Variants in SH3D21 observed in about 807,000 individuals in gnomAD.
The protein encoded by SH3D21 is SH3 domain-containing protein 21.
Under a neutral mutation model 82.1 loss-of-function variants are expected in SH3D21, and 83 were observed. The ratio of observed to expected loss-of-function variants is 1.01; its 90% CI spans 0.85 to 1.21. SH3D21 has a LOEUF of 1.21. Among genes scored for constraint, SH3D21 ranks in the 50% most tolerant of loss-of-function variants. The pLI is 0.00. For missense variants in SH3D21, 980 were observed against 962.1 expected (o/e 1.02, Z -0.25); for synonymous variants, 383 against 387.8 (o/e 0.99, Z 0.15).
downstream of SH3D21, among the ~76,000 whole-genome samples, chr1:36,326,450 C>G (rs558110166): frequency 6.6e-6 from 1 of 152,054 alleles, no homozygotes; most frequent in Non-Finnish European, 1.5e-5. Context: ...AGGCTGGTCT[C>G]GAACTTCTGA....
rs761237878 is a variant in SH3D21 at position 36,307,128 on chromosome 1, G to A, written c.227-39G>A. 98 of 1,549,982 alleles carry A rather than the reference G, an allele frequency of 6.3e-5. 2 individuals carry two copies. In the South Asian group the frequency reaches 1.1e-3, roughly 17 times the overall value. On this transcript the variant is annotated intron_variant, in intron 3 of 15. Coordinates refer to ENST00000453908, the MANE Select transcript of SH3D21 (RefSeq NM_001162530.2). This position sits in a 1 kb window ranked among gnomAD's most constrained non-coding sequence, Gnocchi z 5.4. ...GCTTCCCCCAGCTCCTCTGACTGGG[G>A]CGTCCGACTGGAGCTCAGCCGCGCT...
downstream of SH3D21, among the ~76,000 whole-genome samples, chr1:36,330,060 C>A (rs927738250): frequency 1.3e-5 from 2 of 152,058 alleles, no homozygotes; most frequent in African/African-American, 4.8e-5. Flanking sequence ...ACCTGCTAAC[C>A]AAAGCTGGCA....
chr1:36,309,527 C>A, intron 9 of SH3D21, 21 bp from the exon 10 acceptor site: 1 of 1,551,262 alleles, frequency 6.4e-7, no homozygotes, highest in Non-Finnish European at 8.7e-7. Flanking sequence ...GATGCTCAAC[C>A]TTTACTTCTT....
chr1:36,329,782 G>T (rs1255590669), downstream of SH3D21, among the ~76,000 whole-genome samples: 1 of 152,182 alleles, frequency 6.6e-6, no homozygotes, highest in Non-Finnish European at 1.5e-5. Flanking sequence ...GTGGTATTCT[G>T]AGCAGACACC....
At chr1:36,322,495 G>T (rs1442529910), downstream of SH3D21, 5 of 1,603,276 alleles carry the variant, frequency 3.1e-6, no homozygotes, top group East Asian at 1.1e-4. Context: ...TCTGCGGACA[G>T]CTCGGGGCCC....
chr1:36,315,145 G>A (rs984184701), intron 10 of SH3D21, among the ~76,000 whole-genome samples: 7 of 151,760 alleles, frequency 4.6e-5, no homozygotes, highest in East Asian at 2.0e-4. Flanking sequence ...GCGTGGTGGC[G>A]GGCACCTGTC....
downstream of SH3D21, chr1:36,322,883 C>G: frequency 6.5e-7 from 1 of 1,534,338 alleles, no homozygotes; most frequent in Non-Finnish European, 8.9e-7. Context: ...GGGAGCGGGG[C>G]GGAGGGGACG....
downstream of SH3D21, chr1:36,328,383 C>A: frequency 1.4e-5 from 5 of 347,308 alleles, no homozygotes; most frequent in South Asian, 1.1e-4. Context: ...AAGAGGGAGA[C>A]TCACCGGGGG....
chr1:36,309,776 A>T (rs1646201697), intron 10 of SH3D21, among the ~76,000 whole-genome samples, 186 bp downstream of exon 10: 1 of 152,108 alleles, frequency 6.6e-6, no homozygotes, highest in Non-Finnish European at 1.5e-5. Context: ...GTGTGTGTTA[A>T]TATGTCAGTG....
chr1:36,317,498 G>A (rs147968199), intron 10 of SH3D21, among the ~76,000 whole-genome samples: 7 of 152,336 alleles, frequency 4.6e-5, no homozygotes, highest in African/African-American at 1.7e-4. Context: ...TGATGCTGAT[G>A]TCACCTTAGT....
chr1:36,322,331 C>T (rs1186637119), downstream of SH3D21: 29 of 1,567,494 alleles, frequency 1.9e-5, no homozygotes, highest in Non-Finnish European at 2.4e-5. Context: ...TGCCCGTGGC[C>T]GTGGGGCTGG....
chr1:36,323,861 G>A (rs1305527751), downstream of SH3D21: 1 of 152,240 alleles, frequency 6.6e-6, no homozygotes, highest in African/African-American at 2.4e-5. Context: ...TGCGGGCCAA[G>A]GGCTAAACCT....
intron 11 of SH3D21, 31 bp downstream of exon 11, chr1:36,319,195 G>T (rs1228586293): frequency 1.3e-6 from 2 of 1,550,144 alleles, no homozygotes; most frequent in Admixed American, 3.9e-5. Flanking sequence ...GGGGGAAGGA[G>T]GAGGGTAGGA....
chr1:36,319,066 C>T lies in SH3D21; in HGVS notation c.770-5C>T. On this transcript the variant is annotated splice_polypyrimidine_tract_variant and splice_region_variant and intron_variant, in intron 10 of 15. Transcript: ENST00000453908. ...TGGATGAGTGCTCCACTCCTCTCTT[C>T]CCAGCTCCTATTAAGGAACCAAAAA... The T allele has an allele frequency of 6.6e-7, 1 of 1,524,954 alleles. No individual in the cohort carries two copies. Among genetic ancestry groups the T allele is most frequent in the Non-Finnish European group, 8.9e-7 (1 of 1,122,688 alleles). The allele number at this position is 1,524,954 out of a possible 1,614,324, so 94.5% of individuals were successfully genotyped here. A position where few individuals can be genotyped will look rare whatever the true frequency, so the allele number is the denominator to read the frequency against.
At chr1:36,310,781 T>G (rs1646223489) in intron 10 of SH3D21, among the ~76,000 whole-genome samples, 1 of 152,196 alleles carries the variant, frequency 6.6e-6, no homozygotes, top group Admixed American at 6.5e-5. Context: ...TTCCCCCAAG[T>G]TTTTAAGTTT....
chr1:36,321,309 C>G lies in SH3D21; in HGVS notation c.*182C>G. 7.0e-7 allele frequency: 1 copy of G among 1,435,926 alleles called. No homozygotes were observed. The highest frequency in any genetic ancestry group is 9.1e-7 in the Non-Finnish European group (1 of 1,100,450). The allele number at this position is 1,435,926 out of a possible 1,614,324, so 88.9% of individuals were successfully genotyped here. The stretch of plus-strand genomic sequence containing the variant: ...CCTCCGCATTCCTGACGGTCCCTCC[C>G]AGGCACATCTGGCCAACATGTGGCT... On this transcript the variant is annotated 3_prime_UTR_variant, in exon 16 of 16. Coordinates refer to ENST00000453908, the MANE Select transcript of SH3D21 (RefSeq NM_001162530.2). The surrounding 1 kb of genome is among the most constrained non-coding windows in gnomAD (Gnocchi z 6.1).
intron 10 of SH3D21, among the ~76,000 whole-genome samples, chr1:36,313,152 G>A (rs1473230626): frequency 4.6e-5 from 7 of 151,924 alleles, no homozygotes; most frequent in South Asian, 2.1e-4. Flanking sequence ...GTGAAACCCC[G>A]TCTCTACTAA....
At chr1:36,322,111 GC>G (rs1405095153), downstream of SH3D21, 18 of 1,352,742 alleles carry the variant, frequency 1.3e-5, no homozygotes, top group Non-Finnish European at 1.3e-5. Flanking sequence ...CCTGCATGCT[GC>G]CCCCTCCCCG....
chr1:36,313,967 A>ATTTTGTTTTTTTTTTTTTTT (rs1207014644), intron 10 of SH3D21, among the ~76,000 whole-genome samples: 1 of 36,880 alleles, frequency 2.7e-5, no homozygotes, highest in Non-Finnish European at 6.3e-5. Context: ...TGCTGAACAT[A>ATTTTGTTTTTTTTTTTTTTT]TTTTCTTTTT....
Sources: gnomAD v4.1 joint callset for allele counts (sites outside exome capture counted in the v4.1 genomes callset) on GRCh38, gnomAD v4.1.1 for gene constraint, Gnocchi (gnomAD v3.1) non-coding constraint, MANE v1.5 for transcripts, NCBI Gene and HGNC (gene_info 2026-07-23, HGNC 2026-07-21) for gene names.